MEI4: variants seen among roughly 807,000 people sequenced by gnomAD.
MEI4 encodes the protein meiotic double-stranded break formation protein 4.
In MEI4, 27 loss-of-function variants were observed where a neutral mutation model predicts 31.4. That is an observed-to-expected ratio of 0.86 (90% CI 0.63 to 1.19). The LOEUF is 1.19. MEI4 is among the 50% of genes most tolerant of loss of function. MEI4 has a pLI of 0.00. For synonymous variants in MEI4, 122 were observed against 145.4 expected (o/e 0.84, Z 1.16); for missense variants, 329 against 398.9 (o/e 0.82, Z 1.49).
At chr6:77,851,839 G>T (rs1770633010) in intron 4 of MEI4, among the ~76,000 whole-genome samples, 1 of 152,014 alleles carries the variant, frequency 6.6e-6, no homozygotes, top group African/African-American at 2.4e-5. Flanking sequence ...TTCTAAAAGA[G>T]TGAACTTTTA....
chr6:77,905,125 CTT>C (rs1385015874), intron 4 of MEI4, among the ~76,000 whole-genome samples: 1 of 151,906 alleles, frequency 6.6e-6, no homozygotes, highest in Non-Finnish European at 1.5e-5. Flanking sequence ...GTCTTTATCT[CTT>C]ATTCATTTCT....
chr6:77,821,836 C>G (rs937923225), intron 3 of MEI4, among the ~76,000 whole-genome samples: 7 of 144,738 alleles, frequency 4.8e-5, no homozygotes, highest in Admixed American at 2.1e-4. Context: ...GTGCTGCTTA[C>G]TGGTATTATT....
chr6:77,798,623 C>T (rs892656619), intron 3 of MEI4, among the ~76,000 whole-genome samples: 1 of 147,462 alleles, frequency 6.8e-6, no homozygotes, highest in African/African-American at 2.5e-5. Flanking sequence ...GGTATATCTC[C>T]TAAAGCTATC....
intron 3 of MEI4, among the ~76,000 whole-genome samples, chr6:77,789,389 G>A (rs1395119586): frequency 6.6e-6 from 1 of 152,164 alleles, no homozygotes; most frequent in Non-Finnish European, 1.5e-5. Context: ...GACAACAAAA[G>A]CCAAAATTTA....
intron 4 of MEI4, among the ~76,000 whole-genome samples, chr6:77,846,375 A>C (rs973776995): frequency 5.3e-5 from 8 of 151,936 alleles, no homozygotes; most frequent in Non-Finnish European, 1.2e-4. Flanking sequence ...TCAGCTTTTT[A>C]TAATGGACAT....
At chr6:77,848,624 T>A (rs1476847432) in intron 4 of MEI4, among the ~76,000 whole-genome samples, 4 of 152,106 alleles carry the variant, frequency 2.6e-5, no homozygotes, top group African/African-American at 4.8e-5. Flanking sequence ...ACTTGTTGGT[T>A]GTGATGCAGC....
At chr6:77,701,281 A>G (rs1377629458) in intron 2 of MEI4, among the ~76,000 whole-genome samples, 1 of 152,182 alleles carries the variant, frequency 6.6e-6, no homozygotes, top group East Asian at 1.9e-4. Flanking sequence ...CACATCACAG[A>G]GACTAGCCAG....
At chr6:77,788,774 A>C (rs1262860647) in intron 3 of MEI4, among the ~76,000 whole-genome samples, 4 of 152,244 alleles carry the variant, frequency 2.6e-5, no homozygotes, top group South Asian at 2.1e-4. Flanking sequence ...AAATGGAAGA[A>C]CATTCCATGC....
intron 2 of MEI4, among the ~76,000 whole-genome samples, chr6:77,737,149 TA>T (rs1392446448): frequency 1.3e-5 from 2 of 152,238 alleles, no homozygotes; most frequent in African/African-American, 4.8e-5. Context: ...AACAGGAAAA[TA>T]AAAGGGAAAC....
chr6:77,697,260 A>G lies in MEI4; in HGVS notation c.232+6357A>G, dbSNP rs9443449. Among the ~76,000 whole-genome samples the G allele has an allele frequency of 7.0e-3, 1,058 of 151,842 alleles. 13 individuals carry two copies. The highest frequency in any genetic ancestry group is 0.024 in the African/African-American group (999 of 41,410). On this transcript the variant is annotated intron_variant, in intron 2 of 4. Transcript: ENST00000684080. ...TTTTTGAAGAGTTTTTTGTGTCTCT[A>G]TTTCCTTCAGTTCTGCTCTGATTTT...
chr6:77,895,660 C>T (rs768550283), intron 4 of MEI4, among the ~76,000 whole-genome samples: 1 of 152,056 alleles, frequency 6.6e-6, no homozygotes. Context: ...TAGATATATA[C>T]CAGGGACTCT....
At position 77,847,869 on chromosome 6, in the gene MEI4, T is replaced by A. The variant is rs904435663; in HGVS notation, c.900+18807T>A. Among the ~76,000 whole-genome samples the A allele has an allele frequency of 6.6e-6, 1 of 152,184 alleles. No individual in the cohort carries two copies. Among genetic ancestry groups the A allele is most frequent in the African/African-American group, 2.4e-5 (1 of 41,448 alleles). On this transcript the variant is annotated intron_variant, in intron 4 of 4. Transcript: ENST00000684080. This position sits in a 1 kb window ranked among gnomAD's most constrained non-coding sequence, Gnocchi z 4.6. ...AATGTAGTAATCTGTAATCAATAAC[T>A]CTTACTGACCCTGAAACTCACATTA...
chr6:77,771,129 C>T (rs966494300), intron 3 of MEI4, among the ~76,000 whole-genome samples: 1 of 151,964 alleles, frequency 6.6e-6, no homozygotes, highest in Non-Finnish European at 1.5e-5. Context: ...TGGAAAAGGA[C>T]ATGAATCGAC....
chr6:77,754,541 T>C (rs12214304), intron 2 of MEI4, among the ~76,000 whole-genome samples: 42,655 of 152,122 alleles, frequency 0.28, 6,762 homozygotes, highest in South Asian at 0.39. Context: ...ATGGTTGCAA[T>C]CTCTGCCTGT....
At chr6:77,854,169 G>T (rs2127719166) in intron 4 of MEI4, among the ~76,000 whole-genome samples, 1 of 152,072 alleles carries the variant, frequency 6.6e-6, no homozygotes. Context: ...TTTTAGTTGA[G>T]AAATTTACTC....
intron 3 of MEI4, among the ~76,000 whole-genome samples, chr6:77,793,264 G>A (rs1445333748): frequency 6.6e-6 from 1 of 152,024 alleles, no homozygotes; most frequent in Admixed American, 6.5e-5. Context: ...AGTGCTGAAA[G>A]AAAAAAGGCA....
chr6:77,675,886 G>A (rs1768835875), intron 1 of MEI4, among the ~76,000 whole-genome samples: 1 of 152,148 alleles, frequency 6.6e-6, no homozygotes, highest in South Asian at 2.1e-4. Flanking sequence ...GAGTGTCCCT[G>A]AGGTGTTTCA....
intron 4 of MEI4, among the ~76,000 whole-genome samples, chr6:77,836,450 C>T (rs1770220589): frequency 6.6e-6 from 1 of 152,034 alleles, no homozygotes; most frequent in Admixed American, 6.6e-5. Context: ...AGCATATTAG[C>T]AGGAGAAATC....
intron 4 of MEI4, among the ~76,000 whole-genome samples, chr6:77,843,989 A>G (rs1770420919): frequency 6.6e-6 from 1 of 152,228 alleles, no homozygotes; most frequent in Middle Eastern, 3.4e-3. Flanking sequence ...GCCTAATTCT[A>G]TAATCCAGTA....
Sources: allele counts gnomAD v4.1 joint callset (sites outside exome capture counted in the v4.1 genomes callset), GRCh38; gene constraint gnomAD v4.1.1; non-coding constraint Gnocchi (gnomAD v3.1); transcripts MANE v1.5; gene names NCBI Gene and HGNC (gene_info 2026-07-23, HGNC 2026-07-21).